SCN11A: variants seen among roughly 807,000 people sequenced by gnomAD.
The protein encoded by SCN11A is sodium channel protein type 11 subunit alpha.
SCN11A carries 122 observed loss-of-function variants against 162.2 expected under a neutral mutation model. The ratio of observed to expected loss-of-function variants is 0.75; its 90% CI spans 0.65 to 0.87. SCN11A has a LOEUF of 0.87. Among genes scored for constraint, SCN11A ranks in the 40% least tolerant of loss-of-function variants. The pLI, the probability that SCN11A is intolerant of heterozygous loss-of-function variation, is 0.00. For missense variants in SCN11A, 2,015 were observed against 2,181.6 expected (o/e 0.92, Z 1.52); for synonymous variants, 758 against 751.5 (o/e 1.01, Z -0.14).
rs2065572024 is a variant in SCN11A at position 38,894,978 on chromosome 3, G to A, written c.2404-14C>T. ...GAGGTTGAGCACCTGGGAATGGGGTGGGTAGCAAGAAGAAAGGAAAGTTTA... is the reference window on the plus strand; with the variant it reads ...GAGGTTGAGCACCTGGGAATGGGGTAGGTAGCAAGAAGAAAGGAAAGTTTA... On this transcript the variant is annotated splice_polypyrimidine_tract_variant and intron_variant, in intron 18 of 29. Coordinates refer to ENST00000302328, the MANE Select transcript of SCN11A (RefSeq NM_001349253.2). 1.3e-6 allele frequency: 2 copies of A among 1,572,330 alleles called. No individual in the cohort carries two copies. Among genetic ancestry groups the A allele is most frequent in the Admixed American group, 1.9e-5 (1 of 53,248 alleles).
At chr3:38,913,906 A>G (rs780783552) in intron 11 of SCN11A, among the ~76,000 whole-genome samples, 2 of 152,080 alleles carry the variant, frequency 1.3e-5, no homozygotes, top group African/African-American at 2.4e-5. Context: ...CCTGTTGTAT[A>G]TTTTGAAGTT....
At chr3:38,851,338 TC>T in intron 28 of SCN11A, among the ~76,000 whole-genome samples, 1 of 152,274 alleles carries the variant, frequency 6.6e-6, no homozygotes, top group African/African-American at 2.4e-5. Flanking sequence ...GAGATTATAA[TC>T]CAATAATTAC....
intron 19 of SCN11A, among the ~76,000 whole-genome samples, chr3:38,889,158 G>A (rs1201025991): frequency 1.3e-5 from 2 of 152,128 alleles, no homozygotes; most frequent in African/African-American, 4.8e-5. Context: ...AGGCACGGTG[G>A]CTTATGCCTG....
At chr3:39,033,954 G>C (rs193111325) in intron 1 of SCN11A, among the ~76,000 whole-genome samples, 123 of 152,218 alleles carry the variant, frequency 8.1e-4, no homozygotes, top group African/African-American at 2.9e-3. Context: ...CACAAGGTCA[G>C]GAGTTCGAGA....
intron 7 of SCN11A, among the ~76,000 whole-genome samples, chr3:38,935,179 A>G (rs545589992): frequency 3.3e-5 from 5 of 152,154 alleles, no homozygotes; most frequent in African/African-American, 4.8e-5. Context: ...TTTGAAACCA[A>G]CGAGAGCAGA....
chr3:38,965,093 T>C (rs1450590422), intron 2 of SCN11A, among the ~76,000 whole-genome samples: 3 of 152,224 alleles, frequency 2.0e-5, no homozygotes, highest in African/African-American at 7.2e-5. Flanking sequence ...GAGACAGCTC[T>C]GAGGAAGCAC....
chr3:38,941,798 CAA>C (rs34373633), intron 7 of SCN11A, among the ~76,000 whole-genome samples: 2,044 of 141,418 alleles, frequency 0.014, 44 homozygotes, highest in African/African-American at 0.047. Flanking sequence ...ACAACAATGA[CAA>C]AAAAAAAAAG....
intron 14 of SCN11A, among the ~76,000 whole-genome samples, chr3:38,906,288 A>G (rs752679807): frequency 3.3e-5 from 5 of 152,284 alleles, no homozygotes; most frequent in Admixed American, 2.0e-4. Context: ...GGACAATTAA[A>G]ATATGTCTGA....
intron 16 of SCN11A, among the ~76,000 whole-genome samples, chr3:38,901,201 A>T (rs751309762): frequency 1.2e-4 from 18 of 152,256 alleles, no homozygotes; most frequent in African/African-American, 4.1e-4. Flanking sequence ...ATTTATTTTT[A>T]AAAATGCCTG....
chr3:38,883,583 A>C (rs1279500281), intron 21 of SCN11A, among the ~76,000 whole-genome samples, 196 bp from the exon 22 acceptor site: 1 of 152,180 alleles, frequency 6.6e-6, no homozygotes, highest in Non-Finnish European at 1.5e-5. Flanking sequence ...ATAGAGTGGA[A>C]TGGAAGTCAC....
intron 2 of SCN11A, among the ~76,000 whole-genome samples, chr3:38,960,658 A>G (rs1451808257): frequency 6.6e-6 from 1 of 152,214 alleles, no homozygotes; most frequent in Non-Finnish European, 1.5e-5. Flanking sequence ...GGAATACAGA[A>G]AAGTCTGTGT....
At chr3:39,051,121 T>C (rs559388993) in intron 1 of SCN11A, among the ~76,000 whole-genome samples, 7 of 105,328 alleles carry the variant, frequency 6.6e-5, no homozygotes, top group African/African-American at 2.2e-4. Context: ...TTTTGTCTTG[T>C]TTTTTTTTTT....
At chr3:39,032,830 T>G (rs965481160) in intron 1 of SCN11A, among the ~76,000 whole-genome samples, 4 of 152,206 alleles carry the variant, frequency 2.6e-5, no homozygotes, top group African/African-American at 9.7e-5. Flanking sequence ...CCATTTTTAT[T>G]ACCATTTTAC....
At chr3:38,894,434 T>C (rs1002381894) in intron 19 of SCN11A, 99 bp downstream of exon 19, 122 of 995,790 alleles carry the variant, frequency 1.2e-4, no homozygotes, top group South Asian at 2.7e-4. Flanking sequence ...TTTGTACCCT[T>C]ATTATCCTTG....
chr3:38,880,921 G>T (rs1030428850), intron 22 of SCN11A, among the ~76,000 whole-genome samples: 1 of 152,128 alleles, frequency 6.6e-6, no homozygotes. Context: ...TGAAAGAAAG[G>T]AAGACGGCCT....
intron 1 of SCN11A, among the ~76,000 whole-genome samples, chr3:39,047,499 C>T (rs961911013): frequency 2.6e-5 from 4 of 152,036 alleles, no homozygotes; most frequent in Admixed American, 6.5e-5. Context: ...CTCAAAAGCA[C>T]AGGCAACAAA....
chr3:39,015,211 C>T (rs1019557290), intron 2 of SCN11A, among the ~76,000 whole-genome samples: 2 of 152,214 alleles, frequency 1.3e-5, no homozygotes, highest in Admixed American at 6.5e-5. Context: ...TCTTCTAGCT[C>T]TCTTCTTGCC....
chr3:38,963,574 C>T (rs1049704497), intron 2 of SCN11A, among the ~76,000 whole-genome samples: 2 of 151,036 alleles, frequency 1.3e-5, no homozygotes, highest in East Asian at 3.9e-4. Context: ...ACAGCTTTTG[C>T]AGTGACCTGG....
chr3:38,953,279 G>A (rs2066643561), intron 4 of SCN11A, among the ~76,000 whole-genome samples: 2 of 152,130 alleles, frequency 1.3e-5, no homozygotes, highest in Admixed American at 1.3e-4. Context: ...TGGAAGGAAG[G>A]AAAGGATCAG....
Sources: allele counts gnomAD v4.1 joint callset (sites outside exome capture counted in the v4.1 genomes callset), GRCh38; gene constraint gnomAD v4.1.1; transcripts MANE v1.5; gene names NCBI Gene and HGNC (gene_info 2026-07-23, HGNC 2026-07-21).